LINGO2: variants seen among roughly 807,000 people sequenced by gnomAD.
LINGO2 encodes the protein leucine rich repeat and Ig domain containing 2, also known as leucine-rich repeat and immunoglobulin-like domain-containing nogo receptor-interacting protein 2.
A neutral mutation model predicts 30.6 loss-of-function variants in LINGO2; 14 were observed. The observed-to-expected ratio is 0.46, with a 90% CI of 0.30 to 0.72. The LOEUF is 0.72. Ranked by LOEUF, LINGO2 falls within the 30% of genes least tolerant of loss-of-function variation. LINGO2 has a pLI of 0.07. For missense variants in LINGO2, 729 were observed against 751.7 expected, an observed-to-expected ratio of 0.97 and a Z score of 0.35; for synonymous variants, 317 against 288.5, an observed-to-expected ratio of 1.10 and a Z score of -1.00.
At chr9:28,354,278 G>A (rs1820062677) in intron 3 of LINGO2, among the ~76,000 whole-genome samples, 1 of 152,146 alleles carries the variant, frequency 6.6e-6, no homozygotes, top group Non-Finnish European at 1.5e-5. Context: ...AGATGAGGAT[G>A]TACTATGTTG....
At chr9:28,909,253 A>G in the LINGO2 span, among the ~76,000 whole-genome samples, 1 of 151,934 alleles carries the variant, frequency 6.6e-6, no homozygotes, top group African/African-American at 2.4e-5. Context: ...GCTTGCATGT[A>G]TCATTTATAT....
At chr9:28,857,432 G>A in the LINGO2 span, among the ~76,000 whole-genome samples, 5 of 151,936 alleles carry the variant, frequency 3.3e-5, no homozygotes, top group Non-Finnish European at 5.9e-5. Flanking sequence ...TCCATACTGG[G>A]GCAACTGGGG....
the LINGO2 span, among the ~76,000 whole-genome samples, chr9:28,686,547 T>A: frequency 6.6e-6 from 1 of 152,056 alleles, no homozygotes; most frequent in East Asian, 1.9e-4. Context: ...GAGTACAATC[T>A]TGGAACTGTT....
chr9:28,090,564 A>C (rs10757711), intron 4 of LINGO2, among the ~76,000 whole-genome samples: 2 of 152,112 alleles, frequency 1.3e-5, no homozygotes, highest in South Asian at 2.1e-4. Context: ...GGGACGTATC[A>C]CAAAATAATA....
At chr9:28,823,731 C>T in the LINGO2 span, among the ~76,000 whole-genome samples, 1 of 152,140 alleles carries the variant, frequency 6.6e-6, no homozygotes, top group South Asian at 2.1e-4. Context: ...ACCTGAATGA[C>T]TTATCTTGAA....
intron 5 of LINGO2, among the ~76,000 whole-genome samples, chr9:27,998,220 G>C (rs914029994): frequency 6.6e-6 from 1 of 152,158 alleles, no homozygotes. Flanking sequence ...GGTGCTGTGT[G>C]ACTCTGAGGC....
At chr9:28,967,709 T>C in the LINGO2 span, among the ~76,000 whole-genome samples, 891 of 152,334 alleles carry the variant, frequency 5.8e-3, 8 homozygotes, top group African/African-American at 0.021. Context: ...TTCATCAACA[T>C]AGTCTTGTCA....
chr9:29,146,239 C>T, the LINGO2 span, among the ~76,000 whole-genome samples: 1 of 152,008 alleles, frequency 6.6e-6, no homozygotes, highest in Non-Finnish European at 1.5e-5. Flanking sequence ...ACTTGTAATC[C>T]CAGCTACTCG....
At chr9:28,059,541 T>C (rs1212428030) in intron 4 of LINGO2, among the ~76,000 whole-genome samples, 1 of 152,148 alleles carries the variant, frequency 6.6e-6, no homozygotes, top group Non-Finnish European at 1.5e-5. Flanking sequence ...ATGTAACCAG[T>C]GCTATTCTTC....
intron 4 of LINGO2, among the ~76,000 whole-genome samples, chr9:28,104,202 C>T (rs1826501787): frequency 6.7e-6 from 1 of 148,238 alleles, no homozygotes; most frequent in African/African-American, 2.5e-5. Flanking sequence ...AGAAAAGCTG[C>T]CTTAACTGTA....
chr9:28,074,023 G>A (rs776647327), intron 4 of LINGO2, among the ~76,000 whole-genome samples: 7 of 152,058 alleles, frequency 4.6e-5, no homozygotes, highest in South Asian at 2.1e-4. Flanking sequence ...AAAGTTTTTT[G>A]GACAGGACAA....
chr9:28,781,013 A>G, the LINGO2 span, among the ~76,000 whole-genome samples: 1,542 of 152,280 alleles, frequency 0.01, 27 homozygotes, highest in African/African-American at 0.035. Flanking sequence ...TACTAATAAG[A>G]TTTTAAAATG....
the LINGO2 span, among the ~76,000 whole-genome samples, chr9:29,208,632 T>C: frequency 6.6e-6 from 1 of 152,162 alleles, no homozygotes; most frequent in South Asian, 2.1e-4. Flanking sequence ...AGCGCTACAT[T>C]TACTTGGCAC....
At chr9:28,701,760 C>A in the LINGO2 span, among the ~76,000 whole-genome samples, 1 of 151,890 alleles carries the variant, frequency 6.6e-6, no homozygotes, top group Non-Finnish European at 1.5e-5. Context: ...ATTGAGTCAT[C>A]CTATTCGTAA....
the LINGO2 span, among the ~76,000 whole-genome samples, chr9:29,203,318 G>A: frequency 1.3e-5 from 2 of 152,132 alleles, no homozygotes; most frequent in East Asian, 3.8e-4. Flanking sequence ...AGACTTCAGT[G>A]TTTAAGGTTA....
the LINGO2 span, among the ~76,000 whole-genome samples, chr9:28,831,626 A>G: frequency 5.3e-5 from 8 of 152,160 alleles, no homozygotes; most frequent in Non-Finnish European, 8.8e-5. Context: ...ATAATCAAAG[A>G]TTAGTAAAAA....
intron 4 of LINGO2, among the ~76,000 whole-genome samples, chr9:28,123,139 G>C (rs1489153765): frequency 6.6e-6 from 1 of 152,114 alleles, no homozygotes; most frequent in East Asian, 1.9e-4. Context: ...TGAGAGGATT[G>C]AATAACGGTG....
intron 2 of LINGO2, among the ~76,000 whole-genome samples, chr9:28,462,690 T>A (rs892201099): frequency 2.6e-5 from 4 of 152,056 alleles, no homozygotes; most frequent in African/African-American, 9.7e-5. Context: ...TCATAGGATA[T>A]TAGTGATGAA....
intron 1 of LINGO2, among the ~76,000 whole-genome samples, chr9:28,565,932 T>G (rs959626815): frequency 2.0e-5 from 3 of 152,100 alleles, no homozygotes; most frequent in Admixed American, 2.0e-4. Context: ...TCTTGGGGCT[T>G]TACACTCAAT....
Sources: gnomAD v4.1 joint callset for allele counts (sites outside exome capture counted in the v4.1 genomes callset) on GRCh38, gnomAD v4.1.1 for gene constraint, MANE v1.5 for transcripts, NCBI Gene and HGNC (gene_info 2026-07-23, HGNC 2026-07-21) for gene names.